Variants in BDKRB2 observed in about 807,000 individuals in gnomAD.
The protein encoded by BDKRB2 is B2 bradykinin receptor.
BDKRB2 carries 6 observed loss-of-function variants against 4.0 expected under a neutral mutation model. The observed-to-expected ratio is 1.49, with a 90% CI of 0.81 to 2.93. The LOEUF is 2.93. Among genes scored for constraint, BDKRB2 ranks in the 30% most tolerant of loss-of-function variants. The probability of loss-of-function intolerance (pLI) is 0.00; values close to 1 mark genes in which losing one functional copy is unlikely to be tolerated. For missense variants in BDKRB2, 478 were observed against 520.1 expected, an observed-to-expected ratio of 0.92 and a Z score of 0.79; for synonymous variants, 225 against 215.3, an observed-to-expected ratio of 1.05 and a Z score of -0.40.
Position 96,243,865 on chromosome 14 carries a change from G to T in BDKRB2, c.*2361G>T. The T allele has an allele frequency of 3.6e-6, 1 of 274,712 alleles. No homozygotes were observed. Among genetic ancestry groups the T allele is most frequent in the Non-Finnish European group, 6.7e-6 (1 of 148,482 alleles). 17.0% of individuals were successfully genotyped at this position (274,712 alleles called of 1,614,324 possible). ...AATGAAAAAAAAAAAAAGAGGCTGT[G>T]TTTTGTCACACAGGGCAGTCATTCA... On this transcript the variant is annotated 3_prime_UTR_variant, in exon 3 of 3. Transcript: ENST00000554311.
chr14:96,215,345 G>A (rs1236348826), intron 1 of BDKRB2, among the ~76,000 whole-genome samples: 1 of 152,124 alleles, frequency 6.6e-6, no homozygotes, highest in Non-Finnish European at 1.5e-5. Flanking sequence ...ATAAGATCAT[G>A]TATTTAACCA....
At chr14:96,240,351 T>C (rs907829113) in intron 2 of BDKRB2, 52 bp from the exon 3 acceptor site, 2 of 1,409,936 alleles carry the variant, frequency 1.4e-6, no homozygotes, top group Non-Finnish European at 1.9e-6. Context: ...CCAGTTTTTG[T>C]CCTTCCCTTG....
At chr14:96,220,224 A>T (rs1294325919) in intron 1 of BDKRB2, among the ~76,000 whole-genome samples, 2 of 151,776 alleles carry the variant, frequency 1.3e-5, no homozygotes, top group South Asian at 2.1e-4. Flanking sequence ...CTCCCCTGAG[A>T]GTTGTGTGGT....
At position 96,241,792 on chromosome 14, in the gene BDKRB2, G is replaced by A. The variant is rs199728946; in HGVS notation, c.*288G>A. 9.3e-5 allele frequency: 27 copies of A among 291,762 alleles called. No homozygotes were observed. Among genetic ancestry groups the A allele is most frequent in the Non-Finnish European group, 1.5e-4 (24 of 160,150 alleles). The allele number at this position is 291,762 out of a possible 1,614,324, so 18.1% of individuals were successfully genotyped here. A position where few individuals can be genotyped will look rare whatever the true frequency, so the allele number is the denominator to read the frequency against. On this transcript the variant is annotated 3_prime_UTR_variant, in exon 3 of 3. Transcript: ENST00000554311. Reference sequence around the variant, plus strand: ...CAGCCTGCTCCTTCCCAGGAGTGGAGGAGGCCTGGGGGCAGGGAGAGGAGT... The same window carrying A: ...CAGCCTGCTCCTTCCCAGGAGTGGAAGAGGCCTGGGGGCAGGGAGAGGAGT...
At chr14:96,217,601 A>C (rs1890455316) in intron 1 of BDKRB2, among the ~76,000 whole-genome samples, 1 of 152,216 alleles carries the variant, frequency 6.6e-6, no homozygotes, top group Non-Finnish European at 1.5e-5. Context: ...CTGCCATAAC[A>C]ACTGGGTCCC....
intron 1 of BDKRB2, among the ~76,000 whole-genome samples, chr14:96,235,825 A>G (rs1890922063): frequency 6.6e-6 from 1 of 152,056 alleles, no homozygotes; most frequent in South Asian, 2.1e-4. Context: ...GCACACACAC[A>G]CACACACCTG....
Position 96,241,313 on chromosome 14 carries a change from C to T in BDKRB2, c.985C>T (p.Pro329Ser), listed in dbSNP as rs1258882849. 1.9e-6 allele frequency: 3 copies of T among 1,613,904 alleles called. No individual in the cohort carries two copies. Among genetic ancestry groups the T allele is most frequent in the African/African-American group, 1.3e-5 (1 of 74,946 alleles). Residue 329 changes from proline (P) to serine (S), a missense_variant, in exon 3 of 3, where the codon CCA (proline) becomes TCA (serine). Physicochemically the swap from Pro to Ser is moderately conservative, Grantham distance 74 (BLOSUM62 -1). Transcript: ENST00000554311. ...GGCCTACAGCAACAGCTGCCTCAACCCACTGGTGTACGTGATCGTGGGCAA... is the reference window on the plus strand; with the variant it reads ...GGCCTACAGCAACAGCTGCCTCAACTCACTGGTGTACGTGATCGTGGGCAA... ...FMAYSNSCLN[P>S]LVYVIVGKRF...
At chr14:96,209,435 A>G (rs1443323889) in intron 1 of BDKRB2, among the ~76,000 whole-genome samples, 1 of 152,206 alleles carries the variant, frequency 6.6e-6, no homozygotes, top group Non-Finnish European at 1.5e-5. Flanking sequence ...GCACCCAGGA[A>G]AGAGGGACAC....
intron 1 of BDKRB2, among the ~76,000 whole-genome samples, chr14:96,212,587 A>T (rs541337684): frequency 6.6e-6 from 1 of 152,196 alleles, no homozygotes; most frequent in African/African-American, 2.4e-5. Flanking sequence ...GCTATGTGCT[A>T]TGCAGAGAAT....
intron 1 of BDKRB2, among the ~76,000 whole-genome samples, chr14:96,225,012 C>T (rs1348849904): frequency 6.6e-6 from 1 of 151,054 alleles, no homozygotes; most frequent in Non-Finnish European, 1.5e-5. Flanking sequence ...CTTTGTGCCA[C>T]ACCCAGTGAA....
chr14:96,237,267 C>A, intron 2 of BDKRB2, 86 bp downstream of exon 2: 1 of 1,252,000 alleles, frequency 8.0e-7, no homozygotes, highest in Non-Finnish European at 1.2e-6. Context: ...AACTCTCATG[C>A]CCCGGACAAC....
intron 1 of BDKRB2, among the ~76,000 whole-genome samples, chr14:96,223,743 A>G (rs1349258800): frequency 1.3e-5 from 2 of 152,106 alleles, no homozygotes; most frequent in Non-Finnish European, 2.9e-5. Context: ...GTTTCAGCGT[A>G]CTGGAAACTT....
intron 1 of BDKRB2, chr14:96,234,225 GC>G (rs1262575495): frequency 6.6e-6 from 1 of 152,262 alleles, no homozygotes; most frequent in Non-Finnish European, 1.5e-5. Context: ...TTGGGGTTCT[GC>G]GAAGAGCAGG....
chr14:96,233,054 T>A (rs1391058279), intron 1 of BDKRB2, among the ~76,000 whole-genome samples: 1 of 152,036 alleles, frequency 6.6e-6, no homozygotes, highest in African/African-American at 2.4e-5. Flanking sequence ...TGAGACAGAG[T>A]CTCGCTCTAT....
intron 1 of BDKRB2, among the ~76,000 whole-genome samples, chr14:96,229,070 CT>C (rs1329033997): frequency 6.6e-6 from 1 of 152,196 alleles, no homozygotes; most frequent in Non-Finnish European, 1.5e-5. Flanking sequence ...GCAATTATGT[CT>C]GCTGGGGAGA....
chr14:96,214,306 C>A (rs141951703), intron 1 of BDKRB2, among the ~76,000 whole-genome samples: 3 of 152,096 alleles, frequency 2.0e-5, no homozygotes, highest in Admixed American at 2.0e-4. Flanking sequence ...GCACCCAGGC[C>A]CATCACTTGA....
rs899967827 is a variant in BDKRB2 at position 96,239,069 on chromosome 14, T to C, written c.75-1334T>C. 6 of 985,312 alleles carry C rather than the reference T, an allele frequency of 6.1e-6. No homozygotes were observed. In the African/African-American group the frequency reaches 1.0e-4, roughly 17 times the overall value. 61.0% of individuals were successfully genotyped at this position (985,312 alleles called of 1,614,324 possible). A position where few individuals can be genotyped will look rare whatever the true frequency, so the allele number is the denominator to read the frequency against. On this transcript the variant is annotated intron_variant, in intron 2 of 2. Coordinates refer to ENST00000554311, the MANE Select transcript of BDKRB2 (RefSeq NM_001379692.1). ...GGGAAATCCCAGAGGTGATGATCAG[T>C]ATCTCTCCCGTGACTCGTAGTTCAG...
chr14:96,220,132 G>A lies in BDKRB2; in HGVS notation c.-40+15173G>A, dbSNP rs187264325. ...ACCTCTGTCTCCTCTGTCAGCCCAGGGAAGCGCACCCTTGTCCAGAAGTCC... is the reference window on the plus strand; with the variant it reads ...ACCTCTGTCTCCTCTGTCAGCCCAGAGAAGCGCACCCTTGTCCAGAAGTCC... On this transcript the variant is annotated intron_variant, in intron 1 of 2. Coordinates refer to ENST00000554311, the MANE Select transcript of BDKRB2 (RefSeq NM_001379692.1). Among the ~76,000 whole-genome samples, 42 of 152,088 alleles carry A rather than the reference G, an allele frequency of 2.8e-4. No individual in the cohort carries two copies. In the East Asian group the frequency reaches 6.4e-3, roughly 23 times the overall value.
chr14:96,238,129 C>A, intron 2 of BDKRB2: 1 of 975,606 alleles, frequency 1.0e-6, no homozygotes, highest in Non-Finnish European at 1.2e-6. Flanking sequence ...ATCTCTGTTC[C>A]AAGATGTCTG....
Sources: allele counts gnomAD v4.1 joint callset (sites outside exome capture counted in the v4.1 genomes callset), GRCh38; gene constraint gnomAD v4.1.1; transcripts MANE v1.5; gene names NCBI Gene and HGNC (gene_info 2026-07-23, HGNC 2026-07-21).